Variants in TTC7B observed in about 807,000 individuals in gnomAD.
TTC7B encodes the protein tetratricopeptide repeat domain 7B.
Under a neutral mutation model 106.8 loss-of-function variants are expected in TTC7B, and 28 were observed. That is an observed-to-expected ratio of 0.26 (90% CI 0.19 to 0.36). The LOEUF (loss-of-function observed/expected upper bound fraction) is 0.36, where lower values mean the gene tolerates loss of function less well. Ranked by LOEUF, TTC7B falls within the 10% of genes least tolerant of loss-of-function variation. The probability of loss-of-function intolerance (pLI) is 1.00; values close to 1 mark genes in which losing one functional copy is unlikely to be tolerated. For synonymous variants in TTC7B, 405 were observed against 430.6 expected (o/e 0.94, Z 0.74); for missense variants, 862 against 1,076.4 (o/e 0.80, Z 2.79).
rs1888829229 is a variant in TTC7B at position 90,720,028 on chromosome 14, T to G, written c.698+10047A>C. Among the ~76,000 whole-genome samples, 4 of 152,120 alleles carry G rather than the reference T, an allele frequency of 2.6e-5. No homozygotes were observed. In the South Asian group the frequency reaches 8.3e-4, roughly 32 times the overall value. ...TTATGAGATTTATGCACAGACCTTT[T>G]TTTTTTTTTTAAGCTCATCAGCTTA... On this transcript the variant is annotated intron_variant, in intron 5 of 19. Transcript: ENST00000328459.
At chr14:90,670,845 C>G (rs1886604807) in intron 9 of TTC7B, among the ~76,000 whole-genome samples, 1 of 152,162 alleles carries the variant, frequency 6.6e-6, no homozygotes, top group South Asian at 2.1e-4. Flanking sequence ...CCAGGCCCAT[C>G]CCTTACTCTG....
chr14:90,762,578 C>A (rs1890535393), intron 3 of TTC7B, among the ~76,000 whole-genome samples: 2 of 152,196 alleles, frequency 1.3e-5, no homozygotes, highest in South Asian at 4.1e-4. Context: ...AAAAATAGGA[C>A]TTATCCACCA....
chr14:90,807,255 T>C lies in TTC7B; in HGVS notation c.121+8920A>G, dbSNP rs966946801. ...GCCCTGCTTACCCACTCACTGCCAC[T>C]GAGTCTGACCTCTCCAGGCTCCCAG... On this transcript the variant is annotated intron_variant, in intron 1 of 19. Transcript: ENST00000328459. The surrounding 1 kb of genome is among the most constrained non-coding windows in gnomAD (Gnocchi z 4.1). Among the ~76,000 whole-genome samples, 1 of 152,126 alleles carries C rather than the reference T, an allele frequency of 6.6e-6. No homozygotes were observed. The highest frequency in any genetic ancestry group is 1.5e-5 in the Non-Finnish European group (1 of 68,014).
At chr14:90,780,401 A>T (rs1891170497) in intron 3 of TTC7B, among the ~76,000 whole-genome samples, 1 of 142,702 alleles carries the variant, frequency 7.0e-6, no homozygotes, top group Non-Finnish European at 1.5e-5. Flanking sequence ...GAAAGAGAGA[A>T]AGAAACAGAG....
intron 17 of TTC7B, among the ~76,000 whole-genome samples, chr14:90,599,997 G>T (rs1466333355): frequency 2.0e-5 from 3 of 152,144 alleles, no homozygotes; most frequent in Non-Finnish European, 4.4e-5. Context: ...ACTGCAGACT[G>T]CTGGCAGCTC....
chr14:90,715,404 A>T (rs931955920), intron 5 of TTC7B, among the ~76,000 whole-genome samples: 1 of 152,174 alleles, frequency 6.6e-6, no homozygotes, highest in African/African-American at 2.4e-5. Flanking sequence ...CAGATTTCTT[A>T]GCTGCAAATT....
chr14:90,566,080 G>A (rs1010659511), intron 19 of TTC7B, among the ~76,000 whole-genome samples: 1 of 152,088 alleles, frequency 6.6e-6, no homozygotes, highest in Non-Finnish European at 1.5e-5. Context: ...GACCAGGCAC[G>A]GTGGCTCATG....
chr14:90,562,385 G>A lies in TTC7B; in HGVS notation c.2310+15721C>T, dbSNP rs1323609605. ...TACTCCCACCTTGGACTGTCAACGT[G>A]TTATGACAAGCTGAGTCCAGACCTT... On this transcript the variant is annotated intron_variant, in intron 19 of 19. Coordinates refer to ENST00000328459, the MANE Select transcript of TTC7B (RefSeq NM_001010854.2). Among the ~76,000 whole-genome samples, 4 of 152,190 alleles carry A rather than the reference G, an allele frequency of 2.6e-5. No homozygotes were observed. In the South Asian group the frequency reaches 8.3e-4, roughly 31 times the overall value.
At position 90,531,413 on chromosome 14, in the gene TTC7B, C is replaced by CA. The variant is rs1338779784; in HGVS notation, c.*9954dup. 4 of 145,556 alleles carry CA rather than the reference C, an allele frequency of 2.7e-5. No homozygotes were observed. The highest frequency in any genetic ancestry group is 1.0e-4 in the African/African-American group (4 of 39,254). The allele number at this position is 145,556 out of a possible 1,614,324, so 9.0% of individuals were successfully genotyped here. The stretch of plus-strand genomic sequence containing the variant: ...GGTGAAACTCTGTCTCTACTAAGCA[C>CA]AAAAAATCAAAAATACAAAACAAAA... On this transcript the variant is annotated 3_prime_UTR_variant, in exon 20 of 20. Transcript: ENST00000328459.
At chr14:90,561,362 T>C (rs567412907) in intron 19 of TTC7B, among the ~76,000 whole-genome samples, 1 of 128,968 alleles carries the variant, frequency 7.8e-6, no homozygotes, top group Admixed American at 7.6e-5. Flanking sequence ...ATGTCCAAGA[T>C]TCCCTTCAGG....
rs1444078787 is a variant in TTC7B, at chr14:90,730,331, T to C, written c.577-135A>G. ...AAATATCAGTGCAGAGGCACAGGTGTAGAAGTGCAAGCATTAGAAAAGCAG... is the reference window on the plus strand; with the variant it reads ...AAATATCAGTGCAGAGGCACAGGTGCAGAAGTGCAAGCATTAGAAAAGCAG... On this transcript the variant is annotated intron_variant, in intron 4 of 19. Transcript: ENST00000328459. The C allele has an allele frequency of 3.9e-6, 4 of 1,023,786 alleles. No individual in the cohort carries two copies. In the East Asian group the frequency reaches 1.1e-4, roughly 28 times the overall value. 63.4% of individuals were successfully genotyped at this position (1,023,786 alleles called of 1,614,324 possible). A position where few individuals can be genotyped will look rare whatever the true frequency, so the allele number is the denominator to read the frequency against.
intron 9 of TTC7B, among the ~76,000 whole-genome samples, chr14:90,661,181 G>C (rs911029940): frequency 1.3e-5 from 2 of 152,228 alleles, no homozygotes; most frequent in African/African-American, 4.8e-5. Flanking sequence ...TTCTTGCAGG[G>C]GGAACCAAAT....
chr14:90,720,484 G>A (rs938700650), intron 5 of TTC7B, among the ~76,000 whole-genome samples: 10 of 152,190 alleles, frequency 6.6e-5, no homozygotes, highest in Non-Finnish European at 1.3e-4. Flanking sequence ...ACAAGTGAAT[G>A]CCGTAACACA....
At chr14:90,806,384 G>C (rs1175030640) in intron 1 of TTC7B, among the ~76,000 whole-genome samples, 1 of 152,222 alleles carries the variant, frequency 6.6e-6, no homozygotes, top group African/African-American at 2.4e-5. Flanking sequence ...GTCACAATCA[G>C]TACAACCAGA....
rs186377057 is a variant in TTC7B, at chr14:90,657,666, C to T, written c.1237-388G>A. ...ATAATCTTCCATCTCAGGCTTCATT[C>T]GCTAAATGGCCCAAATTAGCAAGAA... On this transcript the variant is annotated intron_variant, in intron 10 of 19. Coordinates refer to ENST00000328459, the MANE Select transcript of TTC7B (RefSeq NM_001010854.2). The surrounding 1 kb of genome is among the most constrained non-coding windows in gnomAD (Gnocchi z 4.2). 1.7e-3 allele frequency among the ~76,000 whole-genome samples: 253 copies of T among 152,354 alleles called. 4 individuals are homozygous for T. The highest frequency in any genetic ancestry group is 0.012 in the Admixed American group (191 of 15,310).
chr14:90,629,249 T>TC (rs5810511), intron 15 of TTC7B, among the ~76,000 whole-genome samples: 1 of 151,872 alleles, frequency 6.6e-6, no homozygotes. Context: ...TTCCTTTTTT[T>TC]TTCTTTTTTT....
At chr14:90,661,223 G>T (rs1010281508) in intron 9 of TTC7B, among the ~76,000 whole-genome samples, 3 of 152,200 alleles carry the variant, frequency 2.0e-5, no homozygotes, top group African/African-American at 7.2e-5. Flanking sequence ...ACTGCATGCC[G>T]GTTTTGTTAA....
At chr14:90,621,796 CA>C (rs1376157105) in intron 15 of TTC7B, among the ~76,000 whole-genome samples, 2 of 152,208 alleles carry the variant, frequency 1.3e-5, no homozygotes, top group East Asian at 3.9e-4. Context: ...TGAAAACAAG[CA>C]GTGATGCTCG....
intron 1 of TTC7B, among the ~76,000 whole-genome samples, chr14:90,803,805 G>A (rs536287445): frequency 1.9e-5 from 2 of 104,348 alleles, no homozygotes; most frequent in Admixed American, 1.1e-4. Flanking sequence ...AGATGAGTAC[G>A]CTGGTCACAC....
Sources: allele counts gnomAD v4.1 joint callset (sites outside exome capture counted in the v4.1 genomes callset), GRCh38; gene constraint gnomAD v4.1.1; non-coding constraint Gnocchi (gnomAD v3.1); transcripts MANE v1.5; gene names NCBI Gene and HGNC (gene_info 2026-07-23, HGNC 2026-07-21).